The following DLEC1 variants were observed in gnomAD, a reference collection of about 807,000 sequenced individuals.
DLEC1 encodes DLEC1 cilia and flagella associated protein.
In DLEC1, 146 loss-of-function variants were observed where a neutral mutation model predicts 198.1. The observed-to-expected ratio is 0.74, with a 90% CI of 0.64 to 0.85. DLEC1 has a LOEUF of 0.85. Among genes scored for constraint, DLEC1 ranks in the 40% least tolerant of loss-of-function variants. The pLI is 0.00. For missense variants in DLEC1, 2,233 were observed against 2,220.0 expected (o/e 1.01, Z -0.12); for synonymous variants, 897 against 866.8 (o/e 1.03, Z -0.61).
At chr3:38,117,182 G>A (rs770451281) in intron 30 of DLEC1, 26 bp from the exon 31 acceptor site, 3 of 1,614,160 alleles carry the variant, frequency 1.9e-6, no homozygotes, top group Non-Finnish European at 2.5e-6. Flanking sequence ...CCAGGGATCA[G>A]CTGTGATCAG....
chr3:38,075,345 C>T (rs536155336), intron 6 of DLEC1, among the ~76,000 whole-genome samples: 5 of 152,088 alleles, frequency 3.3e-5, no homozygotes, highest in African/African-American at 1.2e-4. Context: ...ATTGAAAGTG[C>T]CATTTTCTGG....
chr3:38,053,211 C>T (rs1396621382), intron 2 of DLEC1, among the ~76,000 whole-genome samples: 4 of 152,206 alleles, frequency 2.6e-5, no homozygotes, highest in Non-Finnish European at 5.9e-5. Flanking sequence ...CCAGCGGCCA[C>T]CCCATCTGGG....
chr3:38,118,002 T>C lies in DLEC1; in HGVS notation c.4682T>C (p.Leu1561Pro). 6.2e-7 allele frequency: 1 copy of C among 1,608,488 alleles called. No individual in the cohort carries two copies. The highest frequency in any genetic ancestry group is 1.7e-5 in the Admixed American group (1 of 58,838). ...ETASADKQLV[L>P]QAQENMLVNV... ...GCCTCAGCGGACAAGCAGCTGGTGC[T>C]CCAAGCACAGGAGAACATGCTGGTC... The change falls in exon 33 of 37, where the codon CTC becomes CCC. Residue 1561 changes from leucine to proline, a missense_variant. Coordinates refer to ENST00000308059, the MANE Select transcript of DLEC1 (RefSeq NM_007335.4).
chr3:38,051,335 C>G (rs1701108116), intron 2 of DLEC1, among the ~76,000 whole-genome samples: 1 of 152,238 alleles, frequency 6.6e-6, no homozygotes, highest in African/African-American at 2.4e-5. Context: ...GGCCTCCTCC[C>G]TGGTCCACCG....
chr3:38,095,679 C>T, intron 13 of DLEC1: 1 of 572,976 alleles, frequency 1.7e-6, no homozygotes, highest in Non-Finnish European at 3.1e-6. Context: ...CCAGCTGAGA[C>T]AGGCCCCTGA....
At chr3:38,046,712 T>C (rs1384937867) in intron 2 of DLEC1, among the ~76,000 whole-genome samples, 1 of 152,202 alleles carries the variant, frequency 6.6e-6, no homozygotes, top group Non-Finnish European at 1.5e-5. Flanking sequence ...TTAACACAAG[T>C]GACTCCATTT....
Position 38,086,347 on chromosome 3 carries a change from C to T in DLEC1, c.1542C>T (p.Pro514=), listed in dbSNP as rs369359643. 1 of 1,610,360 alleles carries T rather than the reference C, an allele frequency of 6.2e-7. No individual in the cohort carries two copies. The highest frequency in any genetic ancestry group is 8.5e-7 in the Non-Finnish European group (1 of 1,178,232). The change falls in exon 9 of 37, where the codon CCC becomes CCT. Residue 514 remains proline, a synonymous_variant. Transcript: ENST00000308059. The stretch of plus-strand genomic sequence containing the variant: ...GTGTTGGCAGGTTCTGCATTATGCC[C>T]AAAACAAGCTGGCCACCACTAAGTT... ...GFSVGRFCIM[P]KTSWPPLSFK...
intron 6 of DLEC1, among the ~76,000 whole-genome samples, chr3:38,065,126 CA>C (rs1696946232): frequency 6.6e-6 from 1 of 152,246 alleles, no homozygotes; most frequent in Non-Finnish European, 1.5e-5. Flanking sequence ...CACTCGTGGT[CA>C]GGAGCTGGAG....
At chr3:38,089,645 C>A (rs951938431) in intron 10 of DLEC1, among the ~76,000 whole-genome samples, 9 of 152,140 alleles carry the variant, frequency 5.9e-5, no homozygotes, top group Non-Finnish European at 1.0e-4. Flanking sequence ...GTCACAGGCT[C>A]ATCGAAGCTT....
intron 25 of DLEC1, 30 bp from the exon 26 acceptor site, chr3:38,114,312 G>C: frequency 1.2e-6 from 2 of 1,609,436 alleles, no homozygotes; most frequent in Non-Finnish European, 1.7e-6. Context: ...CCGGTGACAG[G>C]AGTGACAAAG....
chr3:38,088,341 C>A lies in DLEC1; in HGVS notation c.1618C>A (p.Leu540Met). ...GFVEQPPFGI[L>M]PSVFELAPGH... ...TGTTGAACAACCTCCTTTTGGAATC[C>A]TGCCTTCGGTGTTTGAGCTGGCCCC... Residue 540 changes from leucine to methionine, a missense_variant, in exon 10 of 37, where the codon CTG (leucine) becomes ATG (methionine). Leu to Met is a conservative substitution (Grantham distance 15). Coordinates refer to ENST00000308059, the MANE Select transcript of DLEC1 (RefSeq NM_007335.4). 6.2e-7 allele frequency: 1 copy of A among 1,614,084 alleles called. No individual in the cohort carries two copies. The highest frequency in any genetic ancestry group is 1.6e-4 in the Middle Eastern group (1 of 6,062).
rs984852924 is a variant in DLEC1, at chr3:38,084,202, G to A, written c.1218G>A (p.Leu406=). Residue 406 remains leucine, a synonymous_variant, in exon 7 of 37, where the codon CTG becomes CTA. Coordinates refer to ENST00000308059, the MANE Select transcript of DLEC1 (RefSeq NM_007335.4). ...ACACCACCACGACCAGCCGCTACCTGCGAGTCCTCCCGCCTTCCACGCCAT... is the reference window on the plus strand; with the variant it reads ...ACACCACCACGACCAGCCGCTACCTACGAGTCCTCCCGCCTTCCACGCCAT... ...LQNTTTTSRY[L]RVLPPSTPYF... 1 of 1,612,944 alleles carries A rather than the reference G, an allele frequency of 6.2e-7. No individual in the cohort carries two copies. Among genetic ancestry groups the A allele is most frequent in the African/African-American group, 1.3e-5 (1 of 74,670 alleles).
In DLEC1 at chr3:38,117,925, G is replaced by C; in HGVS notation, c.4605G>C (p.Gln1535His). Reference protein sequence around the residue: ...PFSVSQDGASQDHRAPGPGQK... With the variant: ...PFSVSQDGASHDHRAPGPGQK... ...CCGTTTCTCAAGATGGGGCGAGCCA[G>C]GACCACAGAGCTCCTGGCCCTGGCC... is the stretch of plus-strand genomic sequence containing the variant. The change falls in exon 33 of 37, where the codon CAG becomes CAC. Residue 1535 changes from glutamine to histidine, a missense_variant. Physicochemically the swap from Gln to His is conservative, Grantham distance 24. Coordinates refer to ENST00000308059, the MANE Select transcript of DLEC1 (RefSeq NM_007335.4). The C allele has an allele frequency of 6.2e-7, 1 of 1,614,174 alleles. No homozygotes were observed. The highest frequency in any genetic ancestry group is 8.5e-7 in the Non-Finnish European group (1 of 1,180,020).
chr3:38,045,760 C>T (rs949339147), intron 2 of DLEC1, 67 bp downstream of exon 2: 2 of 1,484,594 alleles, frequency 1.3e-6, no homozygotes, highest in East Asian at 2.4e-5. Flanking sequence ...TGTGTTTGCT[C>T]CATTGCCCAC....
chr3:38,094,709 C>T (rs1698917512), intron 12 of DLEC1, among the ~76,000 whole-genome samples, 170 bp from the exon 13 acceptor site: 1 of 152,178 alleles, frequency 6.6e-6, no homozygotes, highest in Non-Finnish European at 1.5e-5. Flanking sequence ...CACTTGCTGC[C>T]CCTCCTCCAT....
chr3:38,051,519 G>C (rs1177332084), intron 2 of DLEC1, among the ~76,000 whole-genome samples: 1 of 152,214 alleles, frequency 6.6e-6, no homozygotes, highest in Non-Finnish European at 1.5e-5. Context: ...AGGCTTTGAC[G>C]ACCATCAGTG....
chr3:38,069,321 C>T (rs183551636), intron 6 of DLEC1, among the ~76,000 whole-genome samples: 1 of 152,088 alleles, frequency 6.6e-6, no homozygotes. Context: ...CGAGCTATTC[C>T]CTATTTTATG....
rs753031172 is a variant in DLEC1 at position 38,116,770 on chromosome 3, C to T, written c.4063-3C>T. 8 of 1,610,464 alleles carry T rather than the reference C, an allele frequency of 5.0e-6. No individual in the cohort carries two copies. The South Asian group carries it at 7.7e-5, about 16-fold the overall frequency. On this transcript the variant is annotated splice_region_variant and splice_polypyrimidine_tract_variant and intron_variant, in intron 28 of 36. Coordinates refer to ENST00000308059, the MANE Select transcript of DLEC1 (RefSeq NM_007335.4). ...GTGAACCTCAGTGATTCCTTGGTGA[C>T]AGGTTGAGGGCAGCTCCAGTGCCAG...
chr3:38,105,224 C>T (rs578210824), intron 19 of DLEC1, among the ~76,000 whole-genome samples: 6 of 152,166 alleles, frequency 3.9e-5, no homozygotes, highest in African/African-American at 1.4e-4. Flanking sequence ...GGAGAATATT[C>T]CTTGTGCACT....
Sources: allele counts gnomAD v4.1 joint callset (sites outside exome capture counted in the v4.1 genomes callset), GRCh38; gene constraint gnomAD v4.1.1; transcripts MANE v1.5; gene names NCBI Gene and HGNC (gene_info 2026-07-23, HGNC 2026-07-21).